Variants in NOC2L observed in about 807,000 individuals in gnomAD.
NOC2L encodes the protein nucleolar complex protein 2 homolog.
NOC2L carries 101 observed loss-of-function variants against 94.2 expected under a neutral mutation model. The ratio of observed to expected loss-of-function variants is 1.07; its 90% CI spans 0.91 to 1.26. NOC2L has a LOEUF of 1.26. Among genes scored for constraint, NOC2L ranks in the 50% most tolerant of loss-of-function variants. The probability of loss-of-function intolerance (pLI) is 0.00; values close to 1 mark genes in which losing one functional copy is unlikely to be tolerated. For missense variants in NOC2L, 1,076 were observed against 980.1 expected, an observed-to-expected ratio of 1.10 and a Z score of -1.31; for synonymous variants, 531 against 413.4, an observed-to-expected ratio of 1.28 and a Z score of -3.45.
chr1:945,375 TG>T, intron 17 of NOC2L, 142 bp downstream of exon 17: 1 of 1,091,790 alleles, frequency 9.2e-7, no homozygotes, highest in Non-Finnish European at 1.3e-6. Flanking sequence ...ACCAGAAGCC[TG>T]GCAACACTGA....
chr1:953,386 G>A (rs999332311), intron 8 of NOC2L, 98 bp from the exon 9 acceptor site: 2 of 714,116 alleles, frequency 2.8e-6, no homozygotes, highest in Non-Finnish European at 5.0e-6. Context: ...AGGCTCCCAT[G>A]GCCACCAGCT....
chr1:946,281 G>A lies in NOC2L; in HGVS notation c.1809C>T (p.Ala603=), dbSNP rs780152546. 16 of 1,613,206 alleles carry A rather than the reference G, an allele frequency of 9.9e-6. No homozygotes were observed. Among genetic ancestry groups the A allele is most frequent in the Non-Finnish European group, 1.3e-5 (15 of 1,179,552 alleles). The change falls in exon 16 of 19, where the codon GCC becomes GCT. Residue 603 remains alanine (A), a synonymous_variant. Transcript: ENST00000327044. ...FGVSEQQAVE[A]WEKLTREEGT... ...CCTCTTCCCGGGTCAGCTTCTCCCA[G>A]GCTTCCTGGGGGGTTGGGGGAGTTC... is the stretch of plus-strand genomic sequence containing the variant.
At chr1:955,175 G>T (rs960523996) in intron 6 of NOC2L, among the ~76,000 whole-genome samples, 1 of 152,224 alleles carries the variant, frequency 6.6e-6, no homozygotes, top group Non-Finnish European at 1.5e-5. Flanking sequence ...CAGCTTCCTT[G>T]TCCCCTTCGG....
At chr1:953,963 G>A (rs1421467544) in intron 7 of NOC2L, 41 bp downstream of exon 7, 1 of 1,604,738 alleles carries the variant, frequency 6.2e-7, no homozygotes, top group Non-Finnish European at 8.5e-7. Context: ...CCGACCACCA[G>A]ATACAGCCAG....
intron 1 of NOC2L, 66 bp downstream of exon 1, chr1:959,149 A>G (rs1642507900): frequency 6.2e-7 from 1 of 1,612,052 alleles, no homozygotes; most frequent in Non-Finnish European, 8.5e-7. Context: ...GAGAGGAGCA[A>G]GAAAAGCCCC....
chr1:948,633 G>C, intron 12 of NOC2L, 30 bp from the exon 13 acceptor site: 1 of 1,101,772 alleles, frequency 9.1e-7, no homozygotes, highest in Non-Finnish European at 1.2e-6. Flanking sequence ...AGGCTCTCTC[G>C]GCCCCATGCC....
chr1:956,889 C>G lies in NOC2L; in HGVS notation c.486+5G>C. ...CCCAGCTGCCCGCCCCTGGCTGCTG[C>G]TCACCTTTGCTGCCTGCTTCCATCT... On this transcript the variant is annotated splice_donor_5th_base_variant and intron_variant, in intron 4 of 18. Transcript: ENST00000327044. The G allele has an allele frequency of 6.2e-7, 1 of 1,613,428 alleles. No homozygotes were observed. The highest frequency in any genetic ancestry group is 8.5e-7 in the Non-Finnish European group (1 of 1,180,024).
chr1:947,291 AG>A (rs1315232123), intron 14 of NOC2L, among the ~76,000 whole-genome samples: 1 of 152,206 alleles, frequency 6.6e-6, no homozygotes, highest in Non-Finnish European at 1.5e-5. Flanking sequence ...AGGACATGGG[AG>A]GAACAGAGGC....
chr1:951,387 T>G lies in NOC2L; in HGVS notation c.1332-149A>C, dbSNP rs188184246. 3.1e-6 allele frequency: 2 copies of G among 646,860 alleles called. 1 individual carries two copies. The highest frequency in any genetic ancestry group is 5.5e-5 in the East Asian group (2 of 36,450). 40.1% of individuals were successfully genotyped at this position (646,860 alleles called of 1,614,324 possible). ...TCTGAACCCCAGGGACCTGCACCCC[T>G]TGCCCAGCTATGGGGCTGCAGGTAC... On this transcript the variant is annotated intron_variant, in intron 11 of 18. Transcript: ENST00000327044.
chr1:945,033 C>CGT, intron 18 of NOC2L, 24 bp downstream of exon 18: 6 of 1,613,900 alleles, frequency 3.7e-6, no homozygotes, highest in Non-Finnish European at 5.1e-6. Flanking sequence ...CAGGGCCACA[C>CGT]CCTCTCACCC....
In NOC2L at chr1:948,479, G is replaced by A; in HGVS notation, c.1557+11C>T. 1.9e-6 allele frequency: 3 copies of A among 1,602,482 alleles called. No homozygotes were observed. The highest frequency in any genetic ancestry group is 2.2e-5 in the South Asian group (2 of 90,882). On this transcript the variant is annotated intron_variant, in intron 13 of 18. Coordinates refer to ENST00000327044, the MANE Select transcript of NOC2L (RefSeq NM_015658.4). ...AACTGCCCAGGCCCCTCCCCAGGAG[G>A]CCAGCCTCACCCGGTACGCCTTCTC...
At chr1:958,785 A>G (rs760593194) in intron 2 of NOC2L, 144 bp downstream of exon 2, 2 of 826,884 alleles carry the variant, frequency 2.4e-6, no homozygotes, top group South Asian at 2.8e-5. Flanking sequence ...ACATCGGATG[A>G]AAGAGTAAGT....
At chr1:948,301 C>T in intron 13 of NOC2L, 69 bp from the exon 14 acceptor site, 1 of 1,342,610 alleles carries the variant, frequency 7.4e-7, no homozygotes, top group Non-Finnish European at 1.0e-6. Context: ...GCCCCTTCCC[C>T]TCAGGCTGTC....
At chr1:945,359 G>A (rs942667210) in intron 17 of NOC2L, 159 bp downstream of exon 17, 28 of 1,009,928 alleles carry the variant, frequency 2.8e-5, no homozygotes, top group Non-Finnish European at 3.6e-5. Flanking sequence ...GAGGGAAGGC[G>A]CTGGCACCAG....
At position 954,181 on chromosome 1, in the gene NOC2L, G is replaced by A. The variant is rs142492241; in HGVS notation, c.699-99C>T. On this transcript the variant is annotated intron_variant, in intron 6 of 18. Coordinates refer to ENST00000327044, the MANE Select transcript of NOC2L (RefSeq NM_015658.4). ...GTGCCCTGGCCAGCATAGCCTCTACGACTCTGCAGAGACCCCCCGTCTCTC... is the reference window on the plus strand; with the variant it reads ...GTGCCCTGGCCAGCATAGCCTCTACAACTCTGCAGAGACCCCCCGTCTCTC... The A allele has an allele frequency of 3.6e-4, 395 of 1,102,786 alleles. 4 individuals carry two copies. The African/African-American group carries it at 5.4e-3, about 15-fold the overall frequency. 68.3% of individuals were successfully genotyped at this position (1,102,786 alleles called of 1,614,324 possible). A position where few individuals can be genotyped will look rare whatever the true frequency, so the allele number is the denominator to read the frequency against.
chr1:945,260 C>T (rs1569931635), intron 17 of NOC2L, 114 bp from the exon 18 acceptor site: 8 of 774,340 alleles, frequency 1.0e-5, no homozygotes, highest in Admixed American at 4.1e-5. Flanking sequence ...CCGCTGACTT[C>T]CAGCAGGTGG....
chr1:953,733 T>C, intron 8 of NOC2L, 49 bp downstream of exon 8: 1 of 1,366,782 alleles, frequency 7.3e-7, no homozygotes, highest in Non-Finnish European at 1.0e-6. Context: ...GGTAGCCGTG[T>C]GGCCCCCCGA....
At position 955,919 on chromosome 1, in the gene NOC2L, T is replaced by C. The variant is rs1032565863; in HGVS notation, c.698+4A>G. On this transcript the variant is annotated splice_donor_region_variant and intron_variant, in intron 6 of 18. Transcript: ENST00000327044. ...CTACCCCCCTTCACCCCCTCCCCTC[T>C]TACCTGCTGCTATCCTTTGCCACCT... 77 of 1,389,708 alleles carry C rather than the reference T, an allele frequency of 5.5e-5. No homozygotes were observed. The highest frequency in any genetic ancestry group is 7.6e-5 in the Non-Finnish European group (75 of 987,222). The allele number at this position is 1,389,708 out of a possible 1,614,324, so 86.1% of individuals were successfully genotyped here.
At position 944,268 on chromosome 1, in the gene NOC2L, T is replaced by A; in HGVS notation, c.*426A>T. 6.9e-7 allele frequency: 1 copy of A among 1,449,690 alleles called. No homozygotes were observed. Among genetic ancestry groups the A allele is most frequent in the East Asian group, 2.5e-5 (1 of 39,948 alleles). The allele number at this position is 1,449,690 out of a possible 1,614,324, so 89.8% of individuals were successfully genotyped here. A position where few individuals can be genotyped will look rare whatever the true frequency, so the allele number is the denominator to read the frequency against. On this transcript the variant is annotated 3_prime_UTR_variant, in exon 19 of 19. Coordinates refer to ENST00000327044, the MANE Select transcript of NOC2L (RefSeq NM_015658.4). ...GGTTTCGGATGCAAAACAAAAAATTTTAAAAGAAAATGTGACTTCAAAGGA... is the reference window on the plus strand; with the variant it reads ...GGTTTCGGATGCAAAACAAAAAATTATAAAAGAAAATGTGACTTCAAAGGA...
Sources: gnomAD v4.1 joint callset for allele counts (sites outside exome capture counted in the v4.1 genomes callset) on GRCh38, gnomAD v4.1.1 for gene constraint, MANE v1.5 for transcripts, NCBI Gene and HGNC (gene_info 2026-07-23, HGNC 2026-07-21) for gene names.